Variants in NRG1 observed in about 807,000 individuals in gnomAD.
NRG1 encodes the protein neuregulin 1.
NRG1 carries 18 observed loss-of-function variants against 63.8 expected under a neutral mutation model. The ratio of observed to expected loss-of-function variants is 0.28; its 90% CI spans 0.19 to 0.42. The LOEUF (loss-of-function observed/expected upper bound fraction) is 0.42, where lower values mean the gene tolerates loss of function less well. Among genes scored for constraint, NRG1 ranks in the 10% least tolerant of loss-of-function variants. NRG1 has a pLI of 1.00. For missense variants in NRG1, 762 were observed against 814.7 expected, an observed-to-expected ratio of 0.94 and a Z score of 0.79; for synonymous variants, 302 against 301.3, an observed-to-expected ratio of 1.00 and a Z score of -0.02.
chr8:32,361,785 A>G (rs1027906741), intron 1 of NRG1, among the ~76,000 whole-genome samples: 1 of 152,156 alleles, frequency 6.6e-6, no homozygotes, highest in Non-Finnish European at 1.5e-5. Flanking sequence ...AAATCTTAAC[A>G]TGGCCACCCA....
intron 1 of NRG1, among the ~76,000 whole-genome samples, chr8:32,510,128 C>A (rs988655870): frequency 2.2e-4 from 26 of 119,558 alleles, no homozygotes; most frequent in South Asian, 1.9e-3. Flanking sequence ...TAATAATAAT[C>A]ATAAAAGCAA....
At chr8:32,297,756 G>A (rs1362377043) in intron 1 of NRG1, among the ~76,000 whole-genome samples, 1 of 152,242 alleles carries the variant, frequency 6.6e-6, no homozygotes, top group African/African-American at 2.4e-5. Context: ...AGCATGGGTA[G>A]TGGAAGAGAG....
intron 1 of NRG1, among the ~76,000 whole-genome samples, chr8:31,916,812 G>C (rs1184966888): frequency 6.6e-6 from 1 of 151,762 alleles, no homozygotes; most frequent in African/African-American, 2.4e-5. Context: ...CTAGTTTACA[G>C]TCCCACCAAC....
At chr8:32,445,689 G>A (rs749385108) in intron 1 of NRG1, among the ~76,000 whole-genome samples, 8 of 151,876 alleles carry the variant, frequency 5.3e-5, no homozygotes, top group Non-Finnish European at 8.8e-5. Flanking sequence ...AATAGCTGAG[G>A]CTCATTTTTA....
chr8:32,498,022 C>T (rs946704759), intron 1 of NRG1, among the ~76,000 whole-genome samples: 1 of 152,136 alleles, frequency 6.6e-6, no homozygotes, highest in African/African-American at 2.4e-5. Flanking sequence ...TGGGTTTCTC[C>T]ATGTTGGTCA....
intron 1 of NRG1, among the ~76,000 whole-genome samples, chr8:31,704,890 G>A (rs1179212738): frequency 2.0e-5 from 3 of 150,696 alleles, no homozygotes; most frequent in South Asian, 2.1e-4. Context: ...ATAAAATTCT[G>A]GTGACTTTTC....
intron 1 of NRG1, among the ~76,000 whole-genome samples, chr8:32,530,176 C>T (rs531930619): frequency 4.7e-4 from 71 of 151,852 alleles, no homozygotes; most frequent in African/African-American, 1.6e-3. Context: ...GGTGCTATCT[C>T]GGCTCACTGC....
At chr8:31,770,425 A>G (rs1262802711) in intron 1 of NRG1, among the ~76,000 whole-genome samples, 2 of 152,124 alleles carry the variant, frequency 1.3e-5, no homozygotes, top group African/African-American at 4.8e-5. Flanking sequence ...GAGTGGAGTT[A>G]CATGTTTTTA....
chr8:32,080,515 G>C (rs565179068), intron 1 of NRG1, among the ~76,000 whole-genome samples: 1 of 152,246 alleles, frequency 6.6e-6, no homozygotes, highest in African/African-American at 2.4e-5. Flanking sequence ...ATAAAAGTGT[G>C]TGCACTGGGA....
chr8:32,056,284 T>C (rs1296029284), intron 1 of NRG1, among the ~76,000 whole-genome samples: 1 of 152,194 alleles, frequency 6.6e-6, no homozygotes, highest in Non-Finnish European at 1.5e-5. Context: ...CCAATTAAGA[T>C]GGTTTTAACA....
At chr8:32,081,569 T>A (rs1375376522) in intron 1 of NRG1, among the ~76,000 whole-genome samples, 1 of 152,062 alleles carries the variant, frequency 6.6e-6, no homozygotes, top group Non-Finnish European at 1.5e-5. Flanking sequence ...TAAACAGAAT[T>A]GAAACTGGCA....
At chr8:31,923,210 CAAGT>C (rs1446347354) in intron 1 of NRG1, among the ~76,000 whole-genome samples, 2 of 151,874 alleles carry the variant, frequency 1.3e-5, no homozygotes, top group African/African-American at 2.4e-5. Flanking sequence ...TTTTAAATCA[CAAGT>C]AAGTATTGTG....
At chr8:32,698,817 G>C (rs1814069795) in intron 5 of NRG1, among the ~76,000 whole-genome samples, 1 of 152,136 alleles carries the variant, frequency 6.6e-6, no homozygotes, top group South Asian at 2.1e-4. Flanking sequence ...CCCCCATAGA[G>C]CTGTTACTTG....
chr8:32,535,791 C>G (rs1470887860), intron 1 of NRG1, among the ~76,000 whole-genome samples: 1 of 152,148 alleles, frequency 6.6e-6, no homozygotes, highest in Non-Finnish European at 1.5e-5. Flanking sequence ...TGTCAGCGCA[C>G]TTTTTGTGCC....
chr8:32,086,413 T>A (rs183861373), intron 1 of NRG1, among the ~76,000 whole-genome samples: 2 of 152,312 alleles, frequency 1.3e-5, no homozygotes, highest in Admixed American at 1.3e-4. Flanking sequence ...CCACTAGGGT[T>A]TCTTTGAGCT....
At position 32,764,343 on chromosome 8, in the gene NRG1, G is replaced by T; in HGVS notation, c.1855G>T (p.Glu619Ter). The stretch of plus-strand genomic sequence containing the variant: ...CCCAGCAGGCCGCTTCTCGACACAG[G>T]AAGAAATCCAGGCCAGGCTGTCTAG... Residue 619 changes from glutamate to a stop codon, truncating the protein, a stop_gained, in exon 12 of 12, where the codon GAA becomes TAA. Coordinates refer to ENST00000356819, the Ensembl canonical transcript of NRG1. LOFTEE classifies it high-confidence loss of function. 1.2e-6 allele frequency: 2 copies of T among 1,613,130 alleles called. No individual in the cohort carries two copies. Among genetic ancestry groups the T allele is most frequent in the Non-Finnish European group, 1.7e-6 (2 of 1,179,348 alleles).
chr8:31,833,491 C>A (rs937353670), intron 1 of NRG1, among the ~76,000 whole-genome samples: 5 of 152,162 alleles, frequency 3.3e-5, no homozygotes, highest in African/African-American at 1.2e-4. Flanking sequence ...TGCAGATAAG[C>A]CCATAGAACT....
chr8:31,724,389 T>G (rs1813220731), intron 1 of NRG1, among the ~76,000 whole-genome samples: 1 of 152,136 alleles, frequency 6.6e-6, no homozygotes, highest in Admixed American at 6.6e-5. Context: ...GGAAAGATGA[T>G]GTGTTCAGTG....
At chr8:32,164,943 G>A (rs1839241624) in intron 1 of NRG1, among the ~76,000 whole-genome samples, 1 of 152,066 alleles carries the variant, frequency 6.6e-6, no homozygotes, top group African/African-American at 2.4e-5. Flanking sequence ...AGGGATCACT[G>A]ATACATTCTT....
Sources: gnomAD v4.1 joint callset for allele counts (sites outside exome capture counted in the v4.1 genomes callset) on GRCh38, gnomAD v4.1.1 for gene constraint, MANE v1.5 for transcripts, NCBI Gene and HGNC (gene_info 2026-07-23, HGNC 2026-07-21) for gene names.